The following CDH23 variants were observed in gnomAD, a reference collection of about 807,000 sequenced individuals.
CDH23 encodes the protein cadherin-23.
CDH23 carries 189 observed loss-of-function variants against 317.1 expected under a neutral mutation model. That is an observed-to-expected ratio of 0.60 (90% CI 0.53 to 0.67). The LOEUF is 0.67. Among genes scored for constraint, CDH23 ranks in the 30% least tolerant of loss-of-function variants. The pLI, the probability that CDH23 is intolerant of heterozygous loss-of-function variation, is 0.00. For missense variants in CDH23, 4,401 were observed against 4,592.4 expected (o/e 0.96, Z 1.20); for synonymous variants, 1,839 against 1,876.8 (o/e 0.98, Z 0.52).
intron 3 of CDH23, among the ~76,000 whole-genome samples, chr10:71,460,719 A>G (rs1206671668): frequency 6.6e-6 from 1 of 152,156 alleles, no homozygotes; most frequent in Non-Finnish European, 1.5e-5. Context: ...TCGCGGTGCC[A>G]ACCATTGTCC....
chr10:71,645,780 CT>C, intron 12 of CDH23, 50 bp from the exon 13 acceptor site: 1 of 1,599,856 alleles, frequency 6.3e-7, no homozygotes, highest in Non-Finnish European at 8.5e-7. Context: ...TGGGTCTAGG[CT>C]TTGGCCACTG....
chr10:71,647,724 T>A (rs1319843969), intron 14 of CDH23: 2 of 152,090 alleles, frequency 1.3e-5, no homozygotes, highest in African/African-American at 4.8e-5. Flanking sequence ...GGGATCACAC[T>A]CCCCCTAGTG....
At position 71,427,322 on chromosome 10, in the gene CDH23, C is replaced by T. The variant is rs148857324; in HGVS notation, c.-5-12505C>T. Among the ~76,000 whole-genome samples the T allele has an allele frequency of 6.7e-3, 1,013 of 152,162 alleles. 12 individuals carry two copies. The highest frequency in any genetic ancestry group is 0.023 in the African/African-American group (964 of 41,490). On this transcript the variant is annotated intron_variant, in intron 1 of 69. Coordinates refer to ENST00000224721, the MANE Select transcript of CDH23 (RefSeq NM_022124.6). ...TTTTAGCTACCCTCCCTCCCCGTTA[C>T]CCCCAGCCCCTGGCAACCACAGATC...
chr10:71,622,810 G>A, intron 11 of CDH23: 1 of 339,560 alleles, frequency 2.9e-6, no homozygotes, highest in Non-Finnish European at 4.2e-6. Context: ...ATTTTGTGCA[G>A]AGGAGAGGGA....
chr10:71,705,049 A>T lies in CDH23; in HGVS notation c.2872A>T (p.Ile958Phe), dbSNP rs1462924115. The change falls in exon 25 of 70, where the codon ATC (isoleucine) becomes TTC (phenylalanine). Residue 958 changes from isoleucine (I) to phenylalanine (F), a missense_variant. Around this residue, in one of 3 missense-constraint regions of CDH23, gnomAD observed 3,068 missense variants for 3,203.3 expected, o/e 0.96. Coordinates refer to ENST00000224721, the MANE Select transcript of CDH23 (RefSeq NM_022124.6). ...VTTTELDRER[I>F]AEYQLRVVAS... is the part of the protein sequence containing the mutation. ...CACCACCGAGCTGGACCGCGAGCGC[A>T]TCGCGGAGTACCAGCTGCGGGTGGT... The T allele has an allele frequency of 3.7e-6, 6 of 1,612,464 alleles. No homozygotes were observed. The highest frequency in any genetic ancestry group is 5.1e-6 in the Non-Finnish European group (6 of 1,179,808).
At chr10:71,515,357 T>TTCTCTCTCTCTC (rs3059687) in intron 6 of CDH23, among the ~76,000 whole-genome samples, 38 of 126,264 alleles carry the variant, frequency 3.0e-4, no homozygotes, top group East Asian at 2.4e-3. Context: ...ACCTGTCTGT[T>TTCTCTCTCTCTC]TCTCTCTCTC....
chr10:71,709,442 A>G (rs1201142557), intron 27 of CDH23, among the ~76,000 whole-genome samples: 4 of 152,228 alleles, frequency 2.6e-5, no homozygotes, highest in Non-Finnish European at 4.4e-5. Context: ...TGGGAGACCC[A>G]CATGTAGACA....
chr10:71,464,773 G>A (rs915845401), intron 3 of CDH23, among the ~76,000 whole-genome samples: 3 of 152,204 alleles, frequency 2.0e-5, no homozygotes, highest in African/African-American at 7.2e-5. Context: ...GTGGAAGCTA[G>A]ATCTCTTTAT....
rs114819631 is a variant in CDH23 at position 71,734,765 on chromosome 10, G to T, written c.4209+107G>T. On this transcript the variant is annotated intron_variant, in intron 34 of 69. Coordinates refer to ENST00000224721, the MANE Select transcript of CDH23 (RefSeq NM_022124.6). ...CCCACCTCTCCCAGAGAGAAGGCAC[G>T]TGGACAGGCCTGCAGCAGGCCCCCT... 4.3e-3 allele frequency: 2,943 copies of T among 680,566 alleles called. 69 individuals are homozygous for T. The African/African-American group carries it at 0.049, about 11-fold the overall frequency. The allele number at this position is 680,566 out of a possible 1,614,324, so 42.2% of individuals were successfully genotyped here.
intron 3 of CDH23, among the ~76,000 whole-genome samples, chr10:71,499,910 G>A (rs559358763): frequency 1.3e-5 from 2 of 151,990 alleles, no homozygotes; most frequent in African/African-American, 4.8e-5. Context: ...CCAGCTACTC[G>A]GGAGGCTGAG....
intron 22 of CDH23, among the ~76,000 whole-genome samples, chr10:71,696,933 C>G (rs546222791): frequency 6.6e-6 from 1 of 152,346 alleles, no homozygotes; most frequent in African/African-American, 2.4e-5. Context: ...GGGTAACCTC[C>G]TCCCCACCCC....
chr10:71,529,192 G>C (rs7911202), intron 6 of CDH23, among the ~76,000 whole-genome samples: 23,360 of 152,186 alleles, frequency 0.15, 2,832 homozygotes, highest in African/African-American at 0.34. Flanking sequence ...TAAGCTCCCA[G>C]GCGATGCCAG....
At chr10:71,539,789 C>T (rs906063696) in intron 6 of CDH23, among the ~76,000 whole-genome samples, 1 of 151,918 alleles carries the variant, frequency 6.6e-6, no homozygotes, top group South Asian at 2.1e-4. Flanking sequence ...CTCCCATTTA[C>T]CCCTTTCTCT....
chr10:71,694,403 G>A (rs1000517796), intron 21 of CDH23, 144 bp downstream of exon 21: 5 of 633,330 alleles, frequency 7.9e-6, no homozygotes, highest in African/African-American at 7.2e-5. Flanking sequence ...CCCATCAGCA[G>A]CAGAGGTCAG....
intron 18 of CDH23, 131 bp downstream of exon 18, chr10:71,682,703 C>A: frequency 1.7e-6 from 2 of 1,163,152 alleles, no homozygotes; most frequent in Non-Finnish European, 2.4e-6. Flanking sequence ...GTTTACCCAG[C>A]CATCTGTCCC....
At chr10:71,715,389 C>T (rs577457450) in intron 28 of CDH23, 3 of 152,458 alleles carry the variant, frequency 2.0e-5, no homozygotes, top group Non-Finnish European at 4.4e-5. Context: ...GCAGCTGCTC[C>T]CACAGGGCAC....
chr10:71,782,953 A>G (rs1254250947), intron 41 of CDH23, among the ~76,000 whole-genome samples: 1 of 152,184 alleles, frequency 6.6e-6, no homozygotes, highest in Non-Finnish European at 1.5e-5. Flanking sequence ...AGCTGGGGAC[A>G]GGGAATTGTG....
At chr10:71,714,956 C>G (rs2132766535) in intron 28 of CDH23, 1 of 152,376 alleles carries the variant, frequency 6.6e-6, no homozygotes, top group South Asian at 2.1e-4. Flanking sequence ...GAAGCCCATC[C>G]TGGGGTGGGA....
At chr10:71,769,526 G>A (rs2132907916) in intron 38 of CDH23, among the ~76,000 whole-genome samples, 1 of 152,326 alleles carries the variant, frequency 6.6e-6, no homozygotes, top group East Asian at 1.9e-4. Flanking sequence ...AGACACTGCA[G>A]AGATCACAAA....
Sources: allele counts gnomAD v4.1 joint callset (sites outside exome capture counted in the v4.1 genomes callset), GRCh38; gene constraint gnomAD v4.1.1; regional missense constraint gnomAD v4.1.1; transcripts MANE v1.5; gene names NCBI Gene and HGNC (gene_info 2026-07-23, HGNC 2026-07-21).